ETHE1: variants seen among roughly 807,000 people sequenced by gnomAD.
The protein encoded by ETHE1 is ETHE1 persulfide dioxygenase.
A neutral mutation model predicts 25.7 loss-of-function variants in ETHE1; 16 were observed. That is an observed-to-expected ratio of 0.62 (90% CI 0.42 to 0.95). The LOEUF is 0.95. Among genes scored for constraint, ETHE1 ranks in the 40% least tolerant of loss-of-function variants. The probability of loss-of-function intolerance (pLI) is 0.00; values close to 1 mark genes in which losing one functional copy is unlikely to be tolerated. For synonymous variants in ETHE1, 139 were observed against 135.9 expected (o/e 1.02, Z -0.16); for missense variants, 300 against 333.6 (o/e 0.90, Z 0.79).
At chr19:43,522,510 CTT>C (rs1320447668) in intron 3 of ETHE1, among the ~76,000 whole-genome samples, 1 of 152,064 alleles carries the variant, frequency 6.6e-6, no homozygotes, top group Admixed American at 6.5e-5. Flanking sequence ...GAGTTTTGCT[CTT>C]GTCACTCATG....
Position 43,511,564 on chromosome 19 carries a change from C to A in ETHE1, c.378G>T (p.Ala126=), listed in dbSNP as rs138427304. The A allele has an allele frequency of 3.3e-5, 53 of 1,613,302 alleles. No individual in the cohort carries two copies. In the African/African-American group the frequency reaches 5.5e-4, roughly 17 times the overall value. The part of the protein sequence containing the change: ...DGDSIRFGRF[A]LETRASPGHT... ...GGCCAGGGCTGGCCCTGGTCTCCAA[C>A]GCCTGGCAGGGGTGGAAGAGTACAG... Residue 126 remains alanine, a splice_region_variant and synonymous_variant, in exon 4 of 7, where the codon GCG becomes GCT. Transcript: ENST00000292147.
chr19:43,518,570 C>T (rs1972069272), intron 3 of ETHE1, among the ~76,000 whole-genome samples: 1 of 151,262 alleles, frequency 6.6e-6, no homozygotes, highest in Non-Finnish European at 1.5e-5. Flanking sequence ...CATGGTGAAA[C>T]CCCGTCTCTA....
intron 4 of ETHE1, among the ~76,000 whole-genome samples, chr19:43,509,294 C>T (rs941391502): frequency 1.3e-5 from 2 of 149,810 alleles, no homozygotes; most frequent in African/African-American, 2.5e-5. Context: ...GTCAGGAGTT[C>T]GAGACCAGCC....
chr19:43,509,326 G>A (rs1198483412), intron 4 of ETHE1, among the ~76,000 whole-genome samples: 1 of 151,788 alleles, frequency 6.6e-6, no homozygotes, highest in African/African-American at 2.4e-5. Context: ...ACAAAACCCT[G>A]TCTCTACTAA....
At chr19:43,510,096 T>C (rs1464220536) in intron 4 of ETHE1, among the ~76,000 whole-genome samples, 2 of 152,156 alleles carry the variant, frequency 1.3e-5, no homozygotes, top group African/African-American at 2.4e-5. Context: ...TCATGGCTTC[T>C]GTCTTTCCCT....
chr19:43,519,009 T>TG (rs1395386081), intron 3 of ETHE1, among the ~76,000 whole-genome samples: 1 of 55,886 alleles, frequency 1.8e-5, no homozygotes, highest in Non-Finnish European at 3.7e-5. Flanking sequence ...GTTTTTTTTT[T>TG]TTTTTTTTTT....
chr19:43,507,901 C>T, intron 6 of ETHE1, 43 bp downstream of exon 6: 2 of 1,600,498 alleles, frequency 1.2e-6, no homozygotes, highest in Non-Finnish European at 1.7e-6. Context: ...GACCCCAGCC[C>T]CTCCTCTCTC....
In ETHE1 at chr19:43,508,773, A is replaced by T; in HGVS notation, c.595+2T>A. 2 of 1,597,898 alleles carry T rather than the reference A, an allele frequency of 1.3e-6. No homozygotes were observed. Among genetic ancestry groups the T allele is most frequent in the African/African-American group, 2.7e-5 (2 of 74,888 alleles). ...CCCACACCTCTTCCAGGAAGCCCTC[A>T]CCATGGTAATCGTGAGCAGGGTAGA... On this transcript the variant is annotated splice_donor_variant, in intron 5 of 6. Coordinates refer to ENST00000292147, the MANE Select transcript of ETHE1 (RefSeq NM_014297.5). LOFTEE classifies it high-confidence loss of function.
At position 43,508,787 on chromosome 19, in the gene ETHE1, G is replaced by T; in HGVS notation, c.583C>A (p.His195Asn). 1 of 1,605,220 alleles carries T rather than the reference G, an allele frequency of 6.2e-7. No homozygotes were observed. Among genetic ancestry groups the T allele is most frequent in the Non-Finnish European group, 8.5e-7 (1 of 1,176,106 alleles). Residue 195 changes from histidine to asparagine, a missense_variant, in exon 5 of 7, where the codon CAC becomes AAC. By Grantham distance (68) the His-to-Asn change is moderately conservative (BLOSUM62 1). Coordinates refer to ENST00000292147, the MANE Select transcript of ETHE1 (RefSeq NM_014297.5). ...LPGDCLIYPA[H>N]DYHGFTVSTV... ...AGGAAGCCCTCACCATGGTAATCGT[G>T]AGCAGGGTAGATCAGACAGTCTCCT...
intron 3 of ETHE1, among the ~76,000 whole-genome samples, chr19:43,515,930 A>G (rs1207860869): frequency 6.6e-6 from 1 of 152,168 alleles, no homozygotes; most frequent in Non-Finnish European, 1.5e-5. Context: ...TGATTAACGA[A>G]TGGGTAACAT....
chr19:43,526,945 G>A, intron 1 of ETHE1, 152 bp downstream of exon 1: 1 of 1,514,220 alleles, frequency 6.6e-7, no homozygotes, highest in Non-Finnish European at 8.8e-7. Flanking sequence ...ACCTTTAAAG[G>A]ACCCAAGAGT....
intron 1 of ETHE1, 130 bp downstream of exon 1, chr19:43,526,967 C>T (rs956984262): frequency 6.5e-7 from 1 of 1,529,354 alleles, no homozygotes; most frequent in African/African-American, 1.4e-5. Context: ...CAGCCCTAAA[C>T]CTCCACCCCG....
In ETHE1 at chr19:43,520,602, G is replaced by A. The variant is rs370308912; in HGVS notation, c.375+5599C>T. ...TGTAGTTCCAGCTATTTGGAAGCCT[G>A]AGGCAGGAGGATCGCTTGAGCCAGG... On this transcript the variant is annotated intron_variant, in intron 3 of 6. Coordinates refer to ENST00000292147, the MANE Select transcript of ETHE1 (RefSeq NM_014297.5). 4.5e-3 allele frequency among the ~76,000 whole-genome samples: 691 copies of A among 152,054 alleles called. 8 individuals are homozygous for A. Among genetic ancestry groups the A allele is most frequent in the African/African-American group, 0.015 (633 of 41,456 alleles).
At position 43,509,328 on chromosome 19, in the gene ETHE1, C is replaced by G. The variant is rs562168722; in HGVS notation, c.506-464G>C. 2.0e-5 allele frequency among the ~76,000 whole-genome samples: 3 copies of G among 151,842 alleles called. No individual in the cohort carries two copies. The East Asian group carries it at 5.8e-4, about 29-fold the overall frequency. The stretch of plus-strand genomic sequence containing the variant: ...CCTGGCCAACATGACAAAACCCTGT[C>G]TCTACTAAAAATACAAAAATTAGCC... On this transcript the variant is annotated intron_variant, in intron 4 of 6. Transcript: ENST00000292147.
rs144520963 is a variant in ETHE1, at chr19:43,515,633, G to A, written c.376-4067C>T. Among the ~76,000 whole-genome samples, 265 of 152,144 alleles carry A rather than the reference G, an allele frequency of 1.7e-3. 1 individual carries two copies. Among genetic ancestry groups the A allele is most frequent in the Admixed American group, 3.6e-3 (55 of 15,258 alleles). Reference sequence around the variant, plus strand: ...TCTGTCACCCAGACTGGAGTGCAATGGCATGATCCTGGCTCACTGCAACCT... The same window carrying A: ...TCTGTCACCCAGACTGGAGTGCAATAGCATGATCCTGGCTCACTGCAACCT... On this transcript the variant is annotated intron_variant, in intron 3 of 6. Transcript: ENST00000292147.
intron 3 of ETHE1, among the ~76,000 whole-genome samples, chr19:43,518,918 T>C (rs966769850): frequency 2.6e-4 from 40 of 151,270 alleles, no homozygotes; most frequent in Middle Eastern, 3.4e-3. Context: ...CCAAAAACAT[T>C]TGGGGGAGAG....
At position 43,508,004 on chromosome 19, in the gene ETHE1, T is replaced by C. The variant is rs1218253543; in HGVS notation, c.652A>G (p.Ser218Gly). Residue 218 changes from serine (S) to glycine (G), a missense_variant, in exon 6 of 7, where the codon AGC (serine) becomes GGC (glycine). Transcript: ENST00000292147. ...ERTLNPRLTL[S>G]CEEFVKIMGN... The stretch of plus-strand genomic sequence containing the variant: ...ATGATTTTGACAAACTCCTCACAGC[T>C]GAGGGTGAGCCGAGGGTTCAGAGTC... 2.5e-6 allele frequency: 4 copies of C among 1,614,024 alleles called. No individual in the cohort carries two copies. Among genetic ancestry groups the C allele is most frequent in the Non-Finnish European group, 3.4e-6 (4 of 1,180,034 alleles).
chr19:43,510,436 A>C (rs1971889270), intron 4 of ETHE1, among the ~76,000 whole-genome samples: 1 of 150,866 alleles, frequency 6.6e-6, no homozygotes, highest in African/African-American at 2.4e-5. Context: ...CCTGGGTTCA[A>C]GTAAATCTCT....
chr19:43,509,761 A>T (rs573008226), intron 4 of ETHE1, among the ~76,000 whole-genome samples: 2 of 151,860 alleles, frequency 1.3e-5, no homozygotes, highest in East Asian at 3.9e-4. Context: ...GCACCACTGC[A>T]CTCCAGCCTG....
Sources: gnomAD v4.1 joint callset for allele counts (sites outside exome capture counted in the v4.1 genomes callset) on GRCh38, gnomAD v4.1.1 for gene constraint, MANE v1.5 for transcripts, NCBI Gene and HGNC (gene_info 2026-07-23, HGNC 2026-07-21) for gene names.